Variants in DOCK7 observed in about 807,000 individuals in gnomAD.
DOCK7 encodes dedicator of cytokinesis 7.
A neutral mutation model predicts 271.0 loss-of-function variants in DOCK7; 138 were observed. The ratio of observed to expected loss-of-function variants is 0.51; its 90% confidence interval spans 0.44 to 0.59. The LOEUF (loss-of-function observed/expected upper bound fraction) is 0.59, where lower values mean the gene tolerates loss of function less well. Among genes scored for constraint, DOCK7 ranks in the 20% least tolerant of loss-of-function variants. The pLI is 0.00. For synonymous variants in DOCK7, 823 were observed against 876.1 expected (o/e 0.94, Z 1.07); for missense variants, 2,066 against 2,592.4 (o/e 0.80, Z 4.41).
intron 4 of DOCK7, among the ~76,000 whole-genome samples, chr1:62,650,577 A>T (rs561002561): frequency 3.3e-5 from 5 of 152,244 alleles, no homozygotes; most frequent in East Asian, 1.9e-4. Flanking sequence ...GAATCTACAA[A>T]GAACTCAAAC....
At chr1:62,576,445 C>T (rs1360755655) in intron 18 of DOCK7, among the ~76,000 whole-genome samples, 4 of 152,136 alleles carry the variant, frequency 2.6e-5, no homozygotes, top group African/African-American at 9.7e-5. Flanking sequence ...AGGCTCTGTG[C>T]TATGTGGCTA....
chr1:62,670,534 G>C (rs1390439501), intron 1 of DOCK7, among the ~76,000 whole-genome samples: 1 of 148,838 alleles, frequency 6.7e-6, no homozygotes, highest in Non-Finnish European at 1.5e-5. Context: ...TACACCAATC[G>C]GCACTCTGTA....
intron 37 of DOCK7, among the ~76,000 whole-genome samples, chr1:62,496,980 C>T (rs1373033602): frequency 6.6e-6 from 1 of 152,038 alleles, no homozygotes; most frequent in Non-Finnish European, 1.5e-5. Context: ...TTATAACTTA[C>T]ATTCTTCCTT....
chr1:62,511,968 TACAAG>T (rs1168167881), intron 33 of DOCK7, among the ~76,000 whole-genome samples: 4 of 152,120 alleles, frequency 2.6e-5, no homozygotes, highest in African/African-American at 4.8e-5. Flanking sequence ...AAATAAGAAT[TACAAG>T]ACAAGTAAGA....
At chr1:62,552,937 A>T in intron 21 of DOCK7, 36 bp from the exon 22 acceptor site, 1 of 1,409,116 alleles carries the variant, frequency 7.1e-7, no homozygotes, top group Non-Finnish European at 9.4e-7. Context: ...TAATTAAAGA[A>T]AATTAGTCAG....
At chr1:62,471,002 ACTC>A (rs1285024850) in intron 48 of DOCK7, among the ~76,000 whole-genome samples, 2 of 151,900 alleles carry the variant, frequency 1.3e-5, no homozygotes, top group Admixed American at 6.6e-5. Context: ...TCCTCCGTAG[ACTC>A]CTCAACATGA....
At chr1:62,464,211 C>T (rs1645610700) in intron 48 of DOCK7, among the ~76,000 whole-genome samples, 1 of 151,798 alleles carries the variant, frequency 6.6e-6, no homozygotes, top group South Asian at 2.1e-4. Context: ...AGGCACATGC[C>T]ACCATGCCCG....
At chr1:62,631,495 A>AATTG in intron 10 of DOCK7, 90 bp from the exon 11 acceptor site, 2 of 1,178,320 alleles carry the variant, frequency 1.7e-6, no homozygotes, top group Non-Finnish European at 2.3e-6. Context: ...AAAGGATGAG[A>AATTG]AGTCTCAATT....
chr1:62,479,730 C>G (rs1324747983), intron 43 of DOCK7: 1 of 385,002 alleles, frequency 2.6e-6, no homozygotes, highest in South Asian at 1.9e-5. Context: ...ATTACCCAGA[C>G]TGGAATACAG....
At chr1:62,522,642 C>T (rs1292613122) in intron 31 of DOCK7, among the ~76,000 whole-genome samples, 1 of 151,854 alleles carries the variant, frequency 6.6e-6, no homozygotes, top group Non-Finnish European at 1.5e-5. Context: ...AACATCACCA[C>T]TTCTATTCAA....
chr1:62,461,931 C>T (rs1215810566), intron 48 of DOCK7, among the ~76,000 whole-genome samples: 1 of 150,712 alleles, frequency 6.6e-6, no homozygotes, highest in Admixed American at 6.6e-5. Context: ...ATTTGCCAGG[C>T]GTGGTGGCAC....
chr1:62,485,596 A>G, intron 43 of DOCK7: 1 of 985,432 alleles, frequency 1.0e-6, no homozygotes, highest in Non-Finnish European at 1.2e-6. Context: ...GCTTTTAGAA[A>G]AAACAAAATT....
At chr1:62,588,555 C>CTG (rs1647911789) in intron 14 of DOCK7, among the ~76,000 whole-genome samples, 1 of 152,034 alleles carries the variant, frequency 6.6e-6, no homozygotes, top group Non-Finnish European at 1.5e-5. Flanking sequence ...AGATGTTCTT[C>CTG]TGTGGTTTTT....
chr1:62,643,449 T>C (rs1443937141), intron 7 of DOCK7, among the ~76,000 whole-genome samples: 2 of 152,244 alleles, frequency 1.3e-5, no homozygotes, highest in Admixed American at 6.5e-5. Context: ...TAACACTCAA[T>C]GTCTTCTGGC....
intron 15 of DOCK7, among the ~76,000 whole-genome samples, chr1:62,583,950 T>C (rs531939989): frequency 5.9e-5 from 9 of 152,162 alleles, no homozygotes; most frequent in Non-Finnish European, 1.0e-4. Flanking sequence ...ATTAGATAAA[T>C]GGCTCAATGT....
chr1:62,471,859 G>A (rs569429846), intron 48 of DOCK7, among the ~76,000 whole-genome samples: 223 of 151,122 alleles, frequency 1.5e-3, no homozygotes, highest in South Asian at 3.1e-3. Flanking sequence ...AAGATTATAA[G>A]TATATTATGA....
At chr1:62,640,615 C>A (rs1449021355) in intron 7 of DOCK7, among the ~76,000 whole-genome samples, 1 of 152,176 alleles carries the variant, frequency 6.6e-6, no homozygotes. Context: ...AGGGAAGGAG[C>A]AAGGGCAACG....
intron 16 of DOCK7, among the ~76,000 whole-genome samples, chr1:62,580,293 T>A (rs932070917): frequency 1.3e-5 from 2 of 152,142 alleles, no homozygotes; most frequent in African/African-American, 4.8e-5. Context: ...ATGTTAGCCA[T>A]CTGAGAACTT....
chr1:62,584,271 A>G lies in DOCK7; in HGVS notation c.1801-1017T>C, dbSNP rs1027467911. The G allele has an allele frequency of 4.1e-6, 4 of 971,842 alleles. No homozygotes were observed. The African/African-American group carries it at 7.0e-5, about 17-fold the overall frequency. The allele number at this position is 971,842 out of a possible 1,614,324, so 60.2% of individuals were successfully genotyped here. On this transcript the variant is annotated intron_variant, in intron 15 of 49. Transcript: ENST00000635253. ...AATAATTATGACTTTCCTAAGATAT[A>G]TATTATTTCATCAATTTACAAATAC... is the stretch of plus-strand genomic sequence containing the variant.
Sources: allele counts gnomAD v4.1 joint callset (sites outside exome capture counted in the v4.1 genomes callset), GRCh38; gene constraint gnomAD v4.1.1; transcripts MANE v1.5; gene names NCBI Gene and HGNC (gene_info 2026-07-23, HGNC 2026-07-21).